CXCL2: variants seen among roughly 807,000 people sequenced by gnomAD.
CXCL2 encodes the protein C-X-C motif chemokine ligand 2.
Under a neutral mutation model 11.2 loss-of-function variants are expected in CXCL2, and 12 were observed. That is an observed-to-expected ratio of 1.08 (90% confidence interval 0.69 to 1.74). The LOEUF (loss-of-function observed/expected upper bound fraction) is 1.74. CXCL2 is among the 40% of genes most tolerant of loss of function. The pLI, the probability that CXCL2 is intolerant of heterozygous loss-of-function variation, is 0.00. For synonymous variants in CXCL2, 68 were observed against 61.9 expected, an observed-to-expected ratio of 1.10 and a Z score of -0.47; for missense variants, 120 against 137.8, an observed-to-expected ratio of 0.87 and a Z score of 0.65.
rs889876325 is a variant in CXCL2 at position 74,098,477 on chromosome 4, A to G, written c.308+124T>C. The G allele has an allele frequency of 5.8e-6, 6 of 1,033,318 alleles. No individual in the cohort carries two copies. In the East Asian group the frequency reaches 7.8e-5, roughly 13 times the overall value. The allele number at this position is 1,033,318 out of a possible 1,614,324, so 64.0% of individuals were successfully genotyped here. On this transcript the variant is annotated intron_variant, in intron 3 of 3. Coordinates refer to ENST00000508487, the MANE Select transcript of CXCL2 (RefSeq NM_002089.4). Reference sequence around the variant, plus strand: ...AATAACCTTAATGGCAACTTTGTGAAAATAATAATTTTTTCAGTCCTGCAG... The same window carrying G: ...AATAACCTTAATGGCAACTTTGTGAGAATAATAATTTTTTCAGTCCTGCAG...
rs1421300848 is a variant in CXCL2 at position 74,097,781 on chromosome 4, G to C, written c.309-10C>G. ...TCAGTTGGATTTGCCACTGTAATGA[G>C]AAAATGGGTGCCCTGAGTAGGTGCT... is the stretch of plus-strand genomic sequence containing the variant. On this transcript the variant is annotated splice_polypyrimidine_tract_variant and intron_variant, in intron 3 of 3. Transcript: ENST00000508487. The C allele has an allele frequency of 1.9e-6, 3 of 1,596,890 alleles. No individual in the cohort carries two copies. Among genetic ancestry groups the C allele is most frequent in the Non-Finnish European group, 2.6e-6 (3 of 1,169,886 alleles).
Position 74,099,090 on chromosome 4 carries a change from TG to T in CXCL2, c.30del (p.Ser11AlafsTer50), listed in dbSNP as rs1210124077. MARATLSAA[P>X]SNPRLLRVAL... ...GCCACCCGCAGGAGCCGGGGATTGCTGGGGGCGGCGGAGAGCGTGGCGCGGG... is the reference window on the plus strand; with the variant it reads ...GCCACCCGCAGGAGCCGGGGATTGCTGGGGCGGCGGAGAGCGTGGCGCGGG... On this transcript the variant is annotated frameshift_variant, in exon 1 of 4. Transcript: ENST00000508487. LOFTEE classifies it high-confidence loss of function. 2 of 1,496,490 alleles carry T rather than the reference TG, an allele frequency of 1.3e-6. No homozygotes were observed. The allele number at this position is 1,496,490 out of a possible 1,614,324, so 92.7% of individuals were successfully genotyped here. A position where few individuals can be genotyped will look rare whatever the true frequency, so the allele number is the denominator to read the frequency against.
At position 74,097,696 on chromosome 4, in the gene CXCL2, C is replaced by G; in HGVS notation, c.*60G>C. The G allele has an allele frequency of 6.5e-7, 1 of 1,537,404 alleles. No individual in the cohort carries two copies. The highest frequency in any genetic ancestry group is 8.8e-7 in the Non-Finnish European group (1 of 1,140,336). ...CTGTGTCTCTCTTTCCTCTTCTGTT[C>G]CTGTAAGGGCAGGGCCTCCTTCAGG... is the stretch of plus-strand genomic sequence containing the variant. On this transcript the variant is annotated 3_prime_UTR_variant, in exon 4 of 4. Coordinates refer to ENST00000508487, the MANE Select transcript of CXCL2 (RefSeq NM_002089.4).
Position 74,099,084 on chromosome 4 carries a change from G to C in CXCL2, c.37C>G (p.Pro13Ala). ...RATLSAAPSNPRLLRVALLLL... is the reference protein window; with the variant it reads ...RATLSAAPSNARLLRVALLLL... Reference sequence around the variant, plus strand: ...AGCAGCGCCACCCGCAGGAGCCGGGGATTGCTGGGGGCGGCGGAGAGCGTG... The same window carrying C: ...AGCAGCGCCACCCGCAGGAGCCGGGCATTGCTGGGGGCGGCGGAGAGCGTG... The change falls in exon 1 of 4, where the codon CCC becomes GCC. Residue 13 changes from proline to alanine, a missense_variant. Transcript: ENST00000508487. 1 of 1,496,734 alleles carries C rather than the reference G, an allele frequency of 6.7e-7. No homozygotes were observed. Among genetic ancestry groups the C allele is most frequent in the Middle Eastern group, 1.9e-4 (1 of 5,190 alleles). The allele number at this position is 1,496,734 out of a possible 1,614,324, so 92.7% of individuals were successfully genotyped here.
chr4:74,097,619 TCTC>T lies in CXCL2; in HGVS notation c.*134_*136del. ...TAAATAAATAAATAAATAGAAGACT[TCTC>T]CTAAGTGATGCTCAAACACATTAGG... On this transcript the variant is annotated 3_prime_UTR_variant, in exon 4 of 4. Transcript: ENST00000508487. 1 of 530,008 alleles carries T rather than the reference TCTC, an allele frequency of 1.9e-6. No homozygotes were observed. The allele number at this position is 530,008 out of a possible 1,614,324, so 32.8% of individuals were successfully genotyped here.
At chr4:74,098,720 CG>C (rs1250115173) in intron 2 of CXCL2, 36 bp from the exon 3 acceptor site, 2 of 1,613,744 alleles carry the variant, frequency 1.2e-6, no homozygotes, top group Non-Finnish European at 1.7e-6. Flanking sequence ...GACAGGAGGT[CG>C]GGCTGAGGAC....
At chr4:74,097,995 G>A (rs1721317674) in intron 3 of CXCL2, among the ~76,000 whole-genome samples, 2 of 152,272 alleles carry the variant, frequency 1.3e-5, no homozygotes, top group African/African-American at 4.8e-5. Flanking sequence ...AGGAGTGGCA[G>A]TCTACACTGT....
intron 3 of CXCL2, among the ~76,000 whole-genome samples, chr4:74,098,075 C>A (rs1475301818): frequency 6.6e-6 from 1 of 152,200 alleles, no homozygotes; most frequent in African/African-American, 2.4e-5. Context: ...CTCAAAGCAA[C>A]CTCATGATGT....
intron 1 of CXCL2, 49 bp from the exon 2 acceptor site, chr4:74,098,971 G>T (rs1489960876): frequency 6.3e-7 from 1 of 1,590,956 alleles, no homozygotes; most frequent in Admixed American, 1.8e-5. Context: ...GGCGCGGGGC[G>T]CCCACCCCAG....
rs1721338630 is a variant in CXCL2, at chr4:74,098,815, C to T, written c.208G>A (p.Ala70Thr). 6.2e-7 allele frequency: 1 copy of T among 1,614,034 alleles called. No individual in the cohort carries two copies. The highest frequency in any genetic ancestry group is 8.5e-7 in the Non-Finnish European group (1 of 1,179,962). The change falls in exon 2 of 4, where the codon GCC becomes ACC. Residue 70 changes from alanine to threonine, a missense_variant. Transcript: ENST00000508487. The stretch of plus-strand genomic sequence containing the variant: ...GAGACTTACATGACTTCGGTTTGGG[C>T]GCAGTGGGGTCCGGGGGACTTCACC... ...VKVKSPGPHC[A>T]QTEVIATLKN...
At position 74,099,183 on chromosome 4, in the gene CXCL2, G is replaced by T; in HGVS notation, c.-63C>A. 1.4e-6 allele frequency: 2 copies of T among 1,408,106 alleles called. No individual in the cohort carries two copies. Among genetic ancestry groups the T allele is most frequent in the Non-Finnish European group, 9.2e-7 (1 of 1,085,726 alleles). 87.2% of individuals were successfully genotyped at this position (1,408,106 alleles called of 1,614,324 possible). A position where few individuals can be genotyped will look rare whatever the true frequency, so the allele number is the denominator to read the frequency against. ...GAGAGCTGGCAAGGAGCTGCCTGTG[G>T]CCCGGGCTCTGTGGCTCTCCGAGAA... On this transcript the variant is annotated 5_prime_UTR_variant, in exon 1 of 4. Coordinates refer to ENST00000508487, the MANE Select transcript of CXCL2 (RefSeq NM_002089.4).
rs1419527089 is a variant in CXCL2 at position 74,097,364 on chromosome 4, A to G, written c.*392T>C. ...CATTTTCTTGGATTCCTCAGCCTCT[A>G]TCACAGTGGCTGACATGTGATATGT... On this transcript the variant is annotated 3_prime_UTR_variant, in exon 4 of 4. Coordinates refer to ENST00000508487, the MANE Select transcript of CXCL2 (RefSeq NM_002089.4). 6.5e-6 allele frequency: 1 copy of G among 153,282 alleles called. No individual in the cohort carries two copies. Among genetic ancestry groups the G allele is most frequent in the East Asian group, 1.9e-4 (1 of 5,262 alleles). The allele number at this position is 153,282 out of a possible 1,614,324, so 9.5% of individuals were successfully genotyped here.
At chr4:74,098,505 A>C in intron 3 of CXCL2, 96 bp downstream of exon 3, 1 of 1,282,500 alleles carries the variant, frequency 7.8e-7, no homozygotes, top group Admixed American at 2.0e-5. Context: ...TCCTGCAGCT[A>C]ACCCTGGGTT....
At position 74,099,170 on chromosome 4, in the gene CXCL2, G is replaced by A. The variant is rs200931429; in HGVS notation, c.-50C>T. The A allele has an allele frequency of 3.1e-4, 443 of 1,434,590 alleles. No individual in the cohort carries two copies. In the African/African-American group the frequency reaches 6.1e-3, roughly 20 times the overall value. The allele number at this position is 1,434,590 out of a possible 1,614,324, so 88.9% of individuals were successfully genotyped here. A position where few individuals can be genotyped will look rare whatever the true frequency, so the allele number is the denominator to read the frequency against. The stretch of plus-strand genomic sequence containing the variant: ...GCTGTGCGAGGAGGAGAGCTGGCAA[G>A]GAGCTGCCTGTGGCCCGGGCTCTGT... On this transcript the variant is annotated 5_prime_UTR_variant, in exon 1 of 4. Coordinates refer to ENST00000508487, the MANE Select transcript of CXCL2 (RefSeq NM_002089.4).
chr4:74,098,472 T>C lies in CXCL2; in HGVS notation c.308+129A>G, dbSNP rs1010467505. 3 of 986,146 alleles carry C rather than the reference T, an allele frequency of 3.0e-6. No individual in the cohort carries two copies. In the Admixed American group the frequency reaches 7.7e-5, roughly 25 times the overall value. 61.1% of individuals were successfully genotyped at this position (986,146 alleles called of 1,614,324 possible). A position where few individuals can be genotyped will look rare whatever the true frequency, so the allele number is the denominator to read the frequency against. On this transcript the variant is annotated intron_variant, in intron 3 of 3. Transcript: ENST00000508487. ...AGATTAATAACCTTAATGGCAACTT[T>C]GTGAAAATAATAATTTTTTCAGTCC...
chr4:74,098,633 CA>C lies in CXCL2; in HGVS notation c.275del (p.Met92ArgfsTer10), dbSNP rs1490878004. Reference sequence around the variant, plus strand: ...GCATCTTTTCGATGATTTTCTTAACCATGGGCGATGCGGGGTTGAGACAAGC... The same window carrying C: ...GCATCTTTTCGATGATTTTCTTAACCTGGGCGATGCGGGGTTGAGACAAGC... ...QKACLNPASPMVKKIIEKMLK... is the reference protein window; with the variant it reads ...QKACLNPASPXVKKIIEKMLK... On this transcript the variant is annotated frameshift_variant, in exon 3 of 4. Transcript: ENST00000508487. LOFTEE classifies it low-confidence loss of function (END_TRUNC). The C allele has an allele frequency of 1.9e-6, 3 of 1,614,012 alleles. No individual in the cohort carries two copies. Among genetic ancestry groups the C allele is most frequent in the African/African-American group, 1.3e-5 (1 of 74,912 alleles).
At position 74,098,908 on chromosome 4, in the gene CXCL2, T is replaced by C. The variant is rs142264518; in HGVS notation, c.115A>G (p.Thr39Ala). 12,468 of 1,613,876 alleles carry C rather than the reference T, an allele frequency of 7.7e-3. 77 individuals are homozygous for C. Among genetic ancestry groups the C allele is most frequent in the Non-Finnish European group, 9.1e-3 (10,780 of 1,179,942 alleles). The stretch of plus-strand genomic sequence containing the variant: ...TGCAAGCACTGGCAGCGCAGTTCAG[T>C]GGCCAGGGGCGCTCCTAGGGAAGAA... ...SRRAAGAPLA[T>A]ELRCQCLQTL... Residue 39 changes from threonine (T) to alanine (A), a missense_variant, in exon 2 of 4, where the codon ACT (threonine) becomes GCT (alanine). Thr to Ala is a moderately conservative substitution (Grantham distance 58). Transcript: ENST00000508487.
chr4:74,097,687 T>A lies in CXCL2; in HGVS notation c.*69A>T. 2 of 1,495,822 alleles carry A rather than the reference T, an allele frequency of 1.3e-6. No individual in the cohort carries two copies. The highest frequency in any genetic ancestry group is 1.8e-6 in the Non-Finnish European group (2 of 1,117,596). 92.7% of individuals were successfully genotyped at this position (1,495,822 alleles called of 1,614,324 possible). A position where few individuals can be genotyped will look rare whatever the true frequency, so the allele number is the denominator to read the frequency against. On this transcript the variant is annotated 3_prime_UTR_variant, in exon 4 of 4. Coordinates refer to ENST00000508487, the MANE Select transcript of CXCL2 (RefSeq NM_002089.4). ...CCTCTGCAGCTGTGTCTCTCTTTCC[T>A]CTTCTGTTCCTGTAAGGGCAGGGCC...
At chr4:74,098,777 G>A (rs200665196) in intron 2 of CXCL2, 22 bp downstream of exon 2, 9 of 1,613,632 alleles carry the variant, frequency 5.6e-6, no homozygotes, top group East Asian at 2.2e-5. Context: ...CAGTGGCAGC[G>A]GCAGCGATGG....
Sources: allele counts gnomAD v4.1 joint callset (sites outside exome capture counted in the v4.1 genomes callset), GRCh38; gene constraint gnomAD v4.1.1; transcripts MANE v1.5; gene names NCBI Gene and HGNC (gene_info 2026-07-23, HGNC 2026-07-21).